CHD1L: variants seen among roughly 807,000 people sequenced by gnomAD.
The protein encoded by CHD1L is chromodomain helicase DNA binding protein 1 like.
Under a neutral mutation model 115.9 loss-of-function variants are expected in CHD1L, and 118 were observed. The ratio of observed to expected loss-of-function variants is 1.02; its 90% confidence interval spans 0.88 to 1.19. The LOEUF is 1.19. CHD1L is among the 50% of genes most tolerant of loss of function. CHD1L has a pLI of 0.00. For synonymous variants in CHD1L, 411 were observed against 387.1 expected, an observed-to-expected ratio of 1.06 and a Z score of -0.72; for missense variants, 1,179 against 1,065.3, an observed-to-expected ratio of 1.11 and a Z score of -1.49.
At chr1:147,245,936 A>C (rs587709736) in intron 1 of CHD1L, among the ~76,000 whole-genome samples, 2 of 152,318 alleles carry the variant, frequency 1.3e-5, no homozygotes, top group South Asian at 2.1e-4. Context: ...GTACACTTGC[A>C]ATGATGGTAC....
the CHD1L span, among the ~76,000 whole-genome samples, chr1:147,214,265 A>T: frequency 1.3e-5 from 2 of 152,090 alleles, no homozygotes; most frequent in African/African-American, 4.8e-5. Context: ...TCACCTGGCC[A>T]ACATGGCGAA....
chr1:147,270,257 G>A (rs587737662), intron 10 of CHD1L, among the ~76,000 whole-genome samples: 1 of 152,178 alleles, frequency 6.6e-6, no homozygotes. Flanking sequence ...ATAACAGCCA[G>A]TAACAAGGGA....
At chr1:147,201,086 C>T in the CHD1L span, 2 of 1,150,760 alleles carry the variant, frequency 1.7e-6, no homozygotes, top group South Asian at 1.5e-5. Flanking sequence ...TATTTAAAAA[C>T]AAGTACCTAA....
At chr1:147,234,225 C>A in the CHD1L span, among the ~76,000 whole-genome samples, 3 of 152,336 alleles carry the variant, frequency 2.0e-5, no homozygotes, top group South Asian at 2.1e-4. Context: ...GAGCTCGGAG[C>A]CTTCGCAGCC....
the CHD1L span, among the ~76,000 whole-genome samples, chr1:147,231,795 G>T: frequency 6.6e-6 from 1 of 152,148 alleles, no homozygotes; most frequent in South Asian, 2.1e-4. Context: ...CAGTATTAGG[G>T]TGGGAGTGAC....
intron 12 of CHD1L, 124 bp downstream of exon 12, chr1:147,272,405 A>G (rs1676594328): frequency 1.5e-6 from 1 of 682,966 alleles, no homozygotes; most frequent in Non-Finnish European, 2.5e-6. Flanking sequence ...TGAATGTAAA[A>G]CAAGGTACTG....
At position 147,295,461 on chromosome 1, in the gene CHD1L, CCTT is replaced by C; in HGVS notation, c.2648_2650del (p.Leu883del). 2 of 1,611,576 alleles carry C rather than the reference CCTT, an allele frequency of 1.2e-6. No homozygotes were observed. The highest frequency in any genetic ancestry group is 1.7e-6 in the Non-Finnish European group (2 of 1,178,482). On this transcript the variant is annotated inframe_deletion, in exon 23 of 23. Coordinates refer to ENST00000369258, the MANE Select transcript of CHD1L (RefSeq NM_004284.6). ...ATTTTCCTAGAAGCAAGTCTGCTGTCCTTCATTCACAGTCTTCATCTTCCTCCT... is the reference window on the plus strand; with the variant it reads ...ATTTTCCTAGAAGCAAGTCTGCTGTCCATTCACAGTCTTCATCTTCCTCCT...
At chr1:147,282,304 G>A (rs1681210867) in intron 15 of CHD1L, among the ~76,000 whole-genome samples, 1 of 152,204 alleles carries the variant, frequency 6.6e-6, no homozygotes, top group Non-Finnish European at 1.5e-5. Flanking sequence ...GGTGAGAATG[G>A]AGTTCACCTG....
intron 1 of CHD1L, among the ~76,000 whole-genome samples, chr1:147,249,234 T>C (rs1225007755): frequency 6.6e-6 from 1 of 152,108 alleles, no homozygotes; most frequent in Non-Finnish European, 1.5e-5. Flanking sequence ...ATTTGAAACA[T>C]GTTGTGGCAT....
At chr1:147,187,400 G>A in the CHD1L span, among the ~76,000 whole-genome samples, 1 of 152,180 alleles carries the variant, frequency 6.6e-6, no homozygotes, top group South Asian at 2.1e-4. Context: ...TGTCCTTAAG[G>A]ATCTTAGGAC....
At chr1:147,269,526 G>A (rs181543871) in intron 10 of CHD1L, among the ~76,000 whole-genome samples, 307 of 152,000 alleles carry the variant, frequency 2.0e-3, no homozygotes, top group Middle Eastern at 3.4e-3. Context: ...AAAATTAGCC[G>A]GGTGTGGTGG....
chr1:147,255,832 T>C lies in CHD1L; in HGVS notation c.367T>C (p.Cys123Arg). Reference sequence around the variant, plus strand: ...ATTCAGATTTGCTCCAGGTCTTTCCTGTGTAACATATGCAGGCGACAAGGA... The same window carrying C: ...ATTCAGATTTGCTCCAGGTCTTTCCCGTGTAACATATGCAGGCGACAAGGA... ...EMQRFAPGLS[C>R]VTYAGDKEER... The change falls in exon 4 of 23, where the codon TGT (cysteine) becomes CGT (arginine). Residue 123 changes from cysteine (C) to arginine (R), a missense_variant. Cys to Arg is a radical substitution (Grantham distance 180). Transcript: ENST00000369258. The C allele has an allele frequency of 6.2e-7, 1 of 1,613,010 alleles. No individual in the cohort carries two copies. Among genetic ancestry groups the C allele is most frequent in the African/African-American group, 1.3e-5 (1 of 74,988 alleles).
At chr1:147,295,401 A>G in intron 22 of CHD1L, 30 bp from the exon 23 acceptor site, 1 of 1,487,828 alleles carries the variant, frequency 6.7e-7, no homozygotes, top group Non-Finnish European at 9.4e-7. Context: ...TAAAGTGATG[A>G]CATGTATCTT....
the CHD1L span, chr1:147,201,205 G>C: frequency 6.2e-7 from 1 of 1,614,134 alleles, no homozygotes; most frequent in South Asian, 1.1e-5. Flanking sequence ...GGGCATAATG[G>C]CTCCTAAGGG....
At chr1:147,198,838 G>C in the CHD1L span, among the ~76,000 whole-genome samples, 4 of 118,836 alleles carry the variant, frequency 3.4e-5, no homozygotes, top group South Asian at 3.0e-4. Flanking sequence ...GCGACAGAGC[G>C]AGACTGCATC....
chr1:147,205,005 T>C, the CHD1L span: 1 of 834,328 alleles, frequency 1.2e-6, no homozygotes, highest in Non-Finnish European at 2.0e-6. Flanking sequence ...TCATGCCTGA[T>C]GAACCTGGAG....
chr1:147,206,057 T>A, the CHD1L span, among the ~76,000 whole-genome samples: 1,491 of 141,230 alleles, frequency 0.011, 7 homozygotes, highest in African/African-American at 0.018. Flanking sequence ...AAAGAACTCA[T>A]ACAAATTTAC....
At chr1:147,224,412 T>A in the CHD1L span, 3 of 157,394 alleles carry the variant, frequency 1.9e-5, no homozygotes, top group African/African-American at 7.2e-5. Flanking sequence ...TCAAAAAATG[T>A]AAAAATAAAA....
At chr1:147,264,288 C>G (rs1673061397) in intron 6 of CHD1L, 134 bp from the exon 7 acceptor site, 1 of 756,138 alleles carries the variant, frequency 1.3e-6, no homozygotes, top group African/African-American at 1.8e-5. Flanking sequence ...TCAACCTGAG[C>G]CATCTGATTT....
Sources: allele counts gnomAD v4.1 joint callset (sites outside exome capture counted in the v4.1 genomes callset), GRCh38; gene constraint gnomAD v4.1.1; transcripts MANE v1.5; gene names NCBI Gene and HGNC (gene_info 2026-07-23, HGNC 2026-07-21).